The following SKOR2 variants were observed in gnomAD, a reference collection of about 807,000 sequenced individuals.
The protein encoded by SKOR2 is LBX1 corepressor 1-like protein.
Under a neutral mutation model 69.1 loss-of-function variants are expected in SKOR2, and 47 were observed. That is an observed-to-expected ratio of 0.68 (90% confidence interval 0.54 to 0.87). The LOEUF (loss-of-function observed/expected upper bound fraction) is 0.87. Among genes scored for constraint, SKOR2 ranks in the 40% least tolerant of loss-of-function variants. The pLI, the probability that SKOR2 is intolerant of heterozygous loss-of-function variation, is 0.00. For synonymous variants in SKOR2, 717 were observed against 672.6 expected (o/e 1.07, Z -1.02); for missense variants, 1,404 against 1,472.2 (o/e 0.95, Z 0.76).
At chr18:47,224,120 G>A (rs577130119) in intron 6 of SKOR2, among the ~76,000 whole-genome samples, 1 of 151,746 alleles carries the variant, frequency 6.6e-6, no homozygotes, top group Non-Finnish European at 1.5e-5. Context: ...ATTGGCCAGG[G>A]TGCTCTCAAA....
At chr18:47,243,059 C>T (rs2064255947) in intron 4 of SKOR2, among the ~76,000 whole-genome samples, 1 of 152,176 alleles carries the variant, frequency 6.6e-6, no homozygotes. Context: ...ATAATCCTTC[C>T]AAATTAAGTT....
intron 4 of SKOR2, among the ~76,000 whole-genome samples, chr18:47,236,460 T>A (rs1423234499): frequency 6.6e-6 from 1 of 152,174 alleles, no homozygotes; most frequent in Admixed American, 6.5e-5. Context: ...GTGTCCCCCT[T>A]ATCCCCAAAT....
chr18:47,211,970 C>T, intron 8 of SKOR2, 116 bp downstream of exon 8: 1 of 975,690 alleles, frequency 1.0e-6, no homozygotes, highest in Non-Finnish European at 1.3e-6. Flanking sequence ...TTGACTCAAA[C>T]ACAGGATGCA....
chr18:47,243,167 T>G (rs948445786), intron 4 of SKOR2, among the ~76,000 whole-genome samples: 2 of 152,228 alleles, frequency 1.3e-5, no homozygotes, highest in East Asian at 3.8e-4. Context: ...AAGTGCTCAT[T>G]GGTCGTACAA....
intron 6 of SKOR2, among the ~76,000 whole-genome samples, chr18:47,221,960 T>A (rs568717222): frequency 4.7e-4 from 72 of 152,306 alleles, no homozygotes; most frequent in Non-Finnish European, 8.4e-4. Flanking sequence ...CCTCAGACCT[T>A]TATCTAAAGA....
chr18:47,207,615 G>C (rs2064116724), intron 8 of SKOR2, among the ~76,000 whole-genome samples: 1 of 152,130 alleles, frequency 6.6e-6, no homozygotes, highest in Non-Finnish European at 1.5e-5. Context: ...ATTCTCTAAG[G>C]AGATTCTTAA....
At position 47,245,495 on chromosome 18, in the gene SKOR2, T is replaced by TTTTTTTTTTTTTTTTTTTTTTTTTTGA. The variant is rs2064268491; in HGVS notation, c.2677+2_2677+3insTCAAAAAAAAAAAAAAAAAAAAAAAAA. ...GGCAGCTGATTTTTTTTTTTTTTTT[T>TTTTTTTTTTTTTTTTTTTTTTTTTTGA]ACCTGAAAAGCTGTTGTCATCCTTT... On this transcript the variant is annotated splice_region_variant and intron_variant, in intron 3 of 8. Coordinates refer to ENST00000425639, the MANE Select transcript of SKOR2 (RefSeq NM_001278063.4). 1 of 1,468,084 alleles carries TTTTTTTTTTTTTTTTTTTTTTTTTTGA rather than the reference T, an allele frequency of 6.8e-7. No homozygotes were observed. The highest frequency in any genetic ancestry group is 1.5e-5 in the African/African-American group (1 of 67,540). The allele number at this position is 1,468,084 out of a possible 1,614,324, so 90.9% of individuals were successfully genotyped here. A position where few individuals can be genotyped will look rare whatever the true frequency, so the allele number is the denominator to read the frequency against.
intron 7 of SKOR2, among the ~76,000 whole-genome samples, chr18:47,213,837 C>T (rs193136530): frequency 6.6e-6 from 1 of 152,134 alleles, no homozygotes; most frequent in African/African-American, 2.4e-5. Flanking sequence ...GTTACCTCTT[C>T]TTTTCACTCT....
At chr18:47,221,970 A>G (rs1458376330) in intron 6 of SKOR2, among the ~76,000 whole-genome samples, 1 of 152,226 alleles carries the variant, frequency 6.6e-6, no homozygotes, top group African/African-American at 2.4e-5. Context: ...TTATCTAAAG[A>G]AACAAAGGTG....
At position 47,246,814 on chromosome 18, in the gene SKOR2, G is replaced by A. The variant is rs910449364; in HGVS notation, c.2370C>T (p.Gly790=). Residue 790 remains glycine, a synonymous_variant, in exon 2 of 9, where the codon GGC becomes GGT. Transcript: ENST00000425639. ...TGCTCCCCTTCTCCGACGGCCCTCG[G>A]CCCTGGAGGAACCGGCCGCCCCCGA... ...PLVGGGRFLQ[G]RGPSEKGSSR... The A allele has an allele frequency of 6.9e-6, 10 of 1,451,834 alleles. No homozygotes were observed. Among genetic ancestry groups the A allele is most frequent in the Middle Eastern group, 3.6e-4 (2 of 5,624 alleles). The allele number at this position is 1,451,834 out of a possible 1,614,324, so 89.9% of individuals were successfully genotyped here. A position where few individuals can be genotyped will look rare whatever the true frequency, so the allele number is the denominator to read the frequency against.
chr18:47,241,503 G>A (rs922738971), intron 4 of SKOR2, among the ~76,000 whole-genome samples: 6 of 152,112 alleles, frequency 3.9e-5, no homozygotes, highest in Non-Finnish European at 8.8e-5. Context: ...AGGACCACAA[G>A]CTAATCTTTT....
rs2064302281 is a variant in SKOR2 at position 47,249,209 on chromosome 18, C to T, written c.-26G>A. 3 of 1,527,000 alleles carry T rather than the reference C, an allele frequency of 2.0e-6. No homozygotes were observed. The Admixed American group carries it at 5.9e-5, about 30-fold the overall frequency. The allele number at this position is 1,527,000 out of a possible 1,614,324, so 94.6% of individuals were successfully genotyped here. The stretch of plus-strand genomic sequence containing the variant: ...CTCCGCCGCAGAACCCCGGGCCGAG[C>T]CCTACAGGTCTGCCTTGGACACTGG... On this transcript the variant is annotated 5_prime_UTR_variant, in exon 2 of 9. Coordinates refer to ENST00000425639, the MANE Select transcript of SKOR2 (RefSeq NM_001278063.4).
At chr18:47,236,380 CTCCTCTCTTT>C (rs1025464206) in intron 4 of SKOR2, among the ~76,000 whole-genome samples, 18 of 152,212 alleles carry the variant, frequency 1.2e-4, no homozygotes, top group African/African-American at 4.3e-4. Context: ...AAGGTGCCCT[CTCCTCTCTTT>C]CTTGTGCAAC....
At chr18:47,231,831 G>A (rs1280524962) in intron 4 of SKOR2, among the ~76,000 whole-genome samples, 2 of 132,788 alleles carry the variant, frequency 1.5e-5, no homozygotes, top group Admixed American at 7.8e-5. Context: ...CAACAAGAGC[G>A]AAACTCCATC....
Position 47,244,948 on chromosome 18 carries a change from G to T in SKOR2, c.2712C>A (p.Asp904Glu), listed in dbSNP as rs753507524. 10 of 1,535,790 alleles carry T rather than the reference G, an allele frequency of 6.5e-6. No individual in the cohort carries two copies. Among genetic ancestry groups the T allele is most frequent in the Non-Finnish European group, 8.7e-6 (10 of 1,146,646 alleles). The change falls in exon 4 of 9, where the codon GAC becomes GAA. Residue 904 changes from aspartate (D) to glutamate (E), a missense_variant. This residue lies in a region of SKOR2 where 1,266 missense variants were observed against 1,309.9 expected (regional missense o/e 0.97). Transcript: ENST00000425639. The stretch of plus-strand genomic sequence containing the variant: ...AAAAATCTCCTCCAGAAGCATCAGA[G>T]TCTGTGATGAAAAAGCTATGCTCCT... ...KNKEHSFFIT[D>E]SDASGGDFWR...
At chr18:47,207,069 C>T (rs2064115331) in intron 8 of SKOR2, among the ~76,000 whole-genome samples, 177 bp from the exon 9 acceptor site, 1 of 152,110 alleles carries the variant, frequency 6.6e-6, no homozygotes, top group Non-Finnish European at 1.5e-5. Context: ...CAAGAGTGTG[C>T]TGGTTTGCTG....
chr18:47,220,131 A>G, intron 6 of SKOR2, 121 bp from the exon 7 acceptor site: 1 of 719,004 alleles, frequency 1.4e-6, no homozygotes, highest in Non-Finnish European at 2.3e-6. Context: ...TATTTTTTTC[A>G]TAGGCAAATT....
At chr18:47,208,793 A>G (rs2064119897) in intron 8 of SKOR2, among the ~76,000 whole-genome samples, 2 of 152,126 alleles carry the variant, frequency 1.3e-5, no homozygotes, top group Admixed American at 6.5e-5. Context: ...TTTCCATTGT[A>G]CTCATGAGCT....
chr18:47,213,889 A>G (rs530425229), intron 7 of SKOR2, among the ~76,000 whole-genome samples: 2 of 152,314 alleles, frequency 1.3e-5, no homozygotes, highest in Non-Finnish European at 2.9e-5. Context: ...CCCTTTGAAT[A>G]TTGGTTTTCC....
Sources: gnomAD v4.1 joint callset for allele counts (sites outside exome capture counted in the v4.1 genomes callset) on GRCh38, gnomAD v4.1.1 for gene constraint, gnomAD v4.1.1 regional missense constraint, MANE v1.5 for transcripts, NCBI Gene and HGNC (gene_info 2026-07-23, HGNC 2026-07-21) for gene names.